SH2B3: variants seen among roughly 807,000 people sequenced by gnomAD.
SH2B3 encodes SH2B adapter protein 3.
A neutral mutation model predicts 51.9 loss-of-function variants in SH2B3; 43 were observed. That is an observed-to-expected ratio of 0.83 (90% CI 0.65 to 1.07). The LOEUF is 1.07. Among genes scored for constraint, SH2B3 ranks in the 50% least tolerant of loss-of-function variants. The pLI is 0.00. For missense variants in SH2B3, 952 were observed against 834.3 expected, an observed-to-expected ratio of 1.14 and a Z score of -1.74; for synonymous variants, 396 against 376.0, an observed-to-expected ratio of 1.05 and a Z score of -0.62.
In SH2B3 at chr12:111,418,190, C is replaced by A; in HGVS notation, c.45C>A (p.Pro15=). 1.9e-6 allele frequency: 3 copies of A among 1,570,590 alleles called. No homozygotes were observed. The highest frequency in any genetic ancestry group is 2.6e-6 in the Non-Finnish European group (3 of 1,169,660). ...ALQPSSPSSA[P]SASPAAAPRG... ...AGCCCTCCTCGCCCTCTTCCGCGCC[C>A]TCAGCCTCCCCGGCGGCGGCCCCGC... is the stretch of plus-strand genomic sequence containing the variant. Residue 15 remains proline, a synonymous_variant, in exon 2 of 8, where the codon CCC becomes CCA. Transcript: ENST00000341259. This position sits in a 1 kb window ranked among gnomAD's most constrained non-coding sequence, Gnocchi z 6.7.
intron 2 of SH2B3, among the ~76,000 whole-genome samples, chr12:111,436,170 G>C (rs539691363): frequency 1.2e-4 from 19 of 152,350 alleles, no homozygotes; most frequent in Non-Finnish European, 1.0e-4. Flanking sequence ...TGAGAGCCCA[G>C]CGGTTTGGCC....
chr12:111,421,107 T>G (rs1871516133), intron 2 of SH2B3, among the ~76,000 whole-genome samples: 1 of 152,172 alleles, frequency 6.6e-6, no homozygotes. Flanking sequence ...TTGAACATCA[T>G]GTGAATGGAA....
In SH2B3 at chr12:111,448,743, G is replaced by A. The variant is rs542272842; in HGVS notation, c.*441G>A. On this transcript the variant is annotated 3_prime_UTR_variant, in exon 8 of 8. Coordinates refer to ENST00000341259, the MANE Select transcript of SH2B3 (RefSeq NM_005475.3). ...CTAACAAGCGGTTCTCCCATCTACC[G>A]TCAGTCCACATGGCAGGTCTGCTGT... 4 of 181,772 alleles carry A rather than the reference G, an allele frequency of 2.2e-5. No homozygotes were observed. Among genetic ancestry groups the A allele is most frequent in the South Asian group, 1.1e-4 (1 of 8,714 alleles). 11.3% of individuals were successfully genotyped at this position (181,772 alleles called of 1,614,324 possible).
chr12:111,437,760 G>A (rs1216261678), intron 2 of SH2B3, among the ~76,000 whole-genome samples: 3 of 152,152 alleles, frequency 2.0e-5, no homozygotes, highest in Non-Finnish European at 2.9e-5. Flanking sequence ...AAGGAGCTTG[G>A]GAAAAGGGGG....
intron 2 of SH2B3, among the ~76,000 whole-genome samples, chr12:111,428,733 C>T (rs1488740573): frequency 6.6e-6 from 1 of 152,156 alleles, no homozygotes; most frequent in East Asian, 1.9e-4. Context: ...GAGGCAGAGG[C>T]ACAGGTGGGC....
intron 5 of SH2B3, 35 bp downstream of exon 5, chr12:111,447,254 G>C: frequency 6.3e-7 from 1 of 1,593,332 alleles, no homozygotes; most frequent in Non-Finnish European, 8.6e-7. Context: ...TTGTCTTCTG[G>C]GTACGCTGGA....
intron 1 of SH2B3, among the ~76,000 whole-genome samples, chr12:111,414,882 G>C (rs1870969116): frequency 6.6e-6 from 1 of 152,238 alleles, no homozygotes; most frequent in Non-Finnish European, 1.5e-5. Context: ...TGGATGCCAT[G>C]CTGCCACCTG....
At position 111,438,868 on chromosome 12, in the gene SH2B3, G is replaced by A. The variant is rs1873135095; in HGVS notation, c.733-7885G>A. ...AGTGCACCTGGCACACTGAAGAAGA[G>A]TGGAGGCCAGTGTGGCTGGATCAGA... is the stretch of plus-strand genomic sequence containing the variant. On this transcript the variant is annotated intron_variant, in intron 2 of 7. Coordinates refer to ENST00000341259, the MANE Select transcript of SH2B3 (RefSeq NM_005475.3). This position sits in a 1 kb window ranked among gnomAD's most constrained non-coding sequence, Gnocchi z 4.2. 6.6e-6 allele frequency among the ~76,000 whole-genome samples: 1 copy of A among 152,246 alleles called. No homozygotes were observed. Among genetic ancestry groups the A allele is most frequent in the Non-Finnish European group, 1.5e-5 (1 of 68,048 alleles).
chr12:111,434,039 G>A (rs977238151), intron 2 of SH2B3, among the ~76,000 whole-genome samples: 1 of 152,086 alleles, frequency 6.6e-6, no homozygotes. Context: ...AAGGTCATAC[G>A]CATATATCTT....
Position 111,447,120 on chromosome 12 carries a change from A to G in SH2B3, c.927-5A>G, listed in dbSNP as rs1307533302. Reference sequence around the variant, plus strand: ...GATCCTTAACCTCAGCCTCTTCTCCAGCAGGCTGGAGAGCACAGAAGCAGA... The same window carrying G: ...GATCCTTAACCTCAGCCTCTTCTCCGGCAGGCTGGAGAGCACAGAAGCAGA... On this transcript the variant is annotated splice_region_variant and splice_polypyrimidine_tract_variant and intron_variant, in intron 4 of 7. Coordinates refer to ENST00000341259, the MANE Select transcript of SH2B3 (RefSeq NM_005475.3). The G allele has an allele frequency of 6.2e-7, 1 of 1,613,618 alleles. No individual in the cohort carries two copies. Among genetic ancestry groups the G allele is most frequent in the South Asian group, 1.1e-5 (1 of 91,058 alleles).
chr12:111,411,747 A>G (rs1870718421), intron 1 of SH2B3, among the ~76,000 whole-genome samples: 1 of 152,138 alleles, frequency 6.6e-6, no homozygotes, highest in Non-Finnish European at 1.5e-5. Flanking sequence ...CCCCAGCCCC[A>G]GCTGGTGGGC....
rs2135580747 is a variant in SH2B3, at chr12:111,435,382, A to G, written c.733-11371A>G. On this transcript the variant is annotated intron_variant, in intron 2 of 7. Transcript: ENST00000341259. This position sits in a 1 kb window ranked among gnomAD's most constrained non-coding sequence, Gnocchi z 4.8. ...CTCACTGGTGTTTTTTTTGTTTTTGAGAGGGCATCTTGAAGTAGCCCAAGC... is the reference window on the plus strand; with the variant it reads ...CTCACTGGTGTTTTTTTTGTTTTTGGGAGGGCATCTTGAAGTAGCCCAAGC... 6.6e-6 allele frequency among the ~76,000 whole-genome samples: 1 copy of G among 152,074 alleles called. No homozygotes were observed. The highest frequency in any genetic ancestry group is 2.1e-4 in the South Asian group (1 of 4,814).
At chr12:111,446,185 C>T (rs1377328462) in intron 2 of SH2B3, among the ~76,000 whole-genome samples, 1 of 152,262 alleles carries the variant, frequency 6.6e-6, no homozygotes, top group Non-Finnish European at 1.5e-5. Flanking sequence ...TCCTTGGCTG[C>T]AGAGTGCCCC....
At chr12:111,412,834 G>A (rs1228929958) in intron 1 of SH2B3, among the ~76,000 whole-genome samples, 1 of 152,098 alleles carries the variant, frequency 6.6e-6, no homozygotes, top group Non-Finnish European at 1.5e-5. Flanking sequence ...GCCTCCCGAG[G>A]TATTGAGATT....
intron 2 of SH2B3, among the ~76,000 whole-genome samples, chr12:111,442,940 C>T (rs1226289339): frequency 6.6e-6 from 1 of 152,246 alleles, no homozygotes; most frequent in Non-Finnish European, 1.5e-5. Context: ...TAACAGACCC[C>T]ACTCAAGCTG....
At chr12:111,427,114 G>A (rs1348122387) in intron 2 of SH2B3, among the ~76,000 whole-genome samples, 1 of 152,072 alleles carries the variant, frequency 6.6e-6, no homozygotes, top group Admixed American at 6.6e-5. Context: ...GGCCGGGCAC[G>A]GTGGCTCATA....
rs7976411 is a variant in SH2B3, at chr12:111,422,227, C to T, written c.732+3350C>T. Among the ~76,000 whole-genome samples the T allele has an allele frequency of 2.8e-3, 422 of 152,056 alleles. 3 individuals are homozygous for T. The highest frequency in any genetic ancestry group is 9.6e-3 in the African/African-American group (400 of 41,502). ...TCCCAAATAGCTGGGATTATAGGCG[C>T]GTGCCACCACACCCAGCTGATTTTT... On this transcript the variant is annotated intron_variant, in intron 2 of 7. Coordinates refer to ENST00000341259, the MANE Select transcript of SH2B3 (RefSeq NM_005475.3).
rs751424681 is a variant in SH2B3 at position 111,446,898 on chromosome 12, T to C, written c.834+44T>C. On this transcript the variant is annotated intron_variant, in intron 3 of 7. Transcript: ENST00000341259. ...CACACCCTGGGGCAATACAAATACA[T>C]ACACATACAGCAGACCCAACCCTGT... 12 of 1,603,276 alleles carry C rather than the reference T, an allele frequency of 7.5e-6. No homozygotes were observed. The Admixed American group carries it at 1.8e-4, about 25-fold the overall frequency.
rs1056119584 is a variant in SH2B3 at position 111,407,748 on chromosome 12, G to A, written c.-28+1471G>A. ...TGTGAGTCCCTGTGGGCCACAGAGC[G>A]GCCAGCTGGGAAGGGGCTGGCTCAG... On this transcript the variant is annotated intron_variant, in intron 1 of 7. Transcript: ENST00000341259. The surrounding 1 kb of genome is among the most constrained non-coding windows in gnomAD (Gnocchi z 4.3). Among the ~76,000 whole-genome samples the A allele has an allele frequency of 4.6e-5, 7 of 152,290 alleles. No individual in the cohort carries two copies. Among genetic ancestry groups the A allele is most frequent in the South Asian group, 2.1e-4 (1 of 4,826 alleles).
Sources: gnomAD v4.1 joint callset for allele counts (sites outside exome capture counted in the v4.1 genomes callset) on GRCh38, gnomAD v4.1.1 for gene constraint, Gnocchi (gnomAD v3.1) non-coding constraint, MANE v1.5 for transcripts, NCBI Gene and HGNC (gene_info 2026-07-23, HGNC 2026-07-21) for gene names.